SCN11A: variants seen among roughly 807,000 people sequenced by gnomAD.
SCN11A encodes sodium voltage-gated channel alpha subunit 11.
A neutral mutation model predicts 162.2 loss-of-function variants in SCN11A; 122 were observed. The observed-to-expected ratio is 0.75, with a 90% CI of 0.65 to 0.87. SCN11A has a LOEUF of 0.87. Among genes scored for constraint, SCN11A ranks in the 40% least tolerant of loss-of-function variants. SCN11A has a pLI of 0.00. For missense variants in SCN11A, 2,015 were observed against 2,181.6 expected (o/e 0.92, Z 1.52); for synonymous variants, 758 against 751.5 (o/e 1.01, Z -0.14).
intron 16 of SCN11A, 48 bp downstream of exon 16, chr3:38,903,817 C>A (rs773420208): frequency 7.4e-7 from 1 of 1,348,966 alleles, no homozygotes. Flanking sequence ...AAAAGTTATA[C>A]TTTAAAGTAT....
chr3:38,940,434 A>G (rs917776860), intron 7 of SCN11A, among the ~76,000 whole-genome samples: 2 of 152,238 alleles, frequency 1.3e-5, no homozygotes, highest in East Asian at 1.9e-4. Flanking sequence ...AGACATTACA[A>G]CATTAGACAA....
Position 38,855,183 on chromosome 3 carries a change from G to A in SCN11A, c.4057-4432C>T, listed in dbSNP as rs80234219. ...GATCTAAACTTGGTGCAGTTAGCAC[G>A]GTACTGCAGGAGCAAGACCAGCCTC... On this transcript the variant is annotated intron_variant, in intron 28 of 29. Coordinates refer to ENST00000302328, the MANE Select transcript of SCN11A (RefSeq NM_001349253.2). Among the ~76,000 whole-genome samples the A allele has an allele frequency of 5.4e-3, 815 of 152,324 alleles. 6 individuals are homozygous for A. Among genetic ancestry groups the A allele is most frequent in the African/African-American group, 0.018 (766 of 41,568 alleles).
chr3:39,016,007 G>A (rs2031279609), intron 2 of SCN11A, among the ~76,000 whole-genome samples: 1 of 152,180 alleles, frequency 6.6e-6, no homozygotes, highest in South Asian at 2.1e-4. Flanking sequence ...AAAATGCTTG[G>A]ATTACAAGCA....
At chr3:38,990,668 G>T (rs1345819151) in intron 2 of SCN11A, among the ~76,000 whole-genome samples, 2 of 152,226 alleles carry the variant, frequency 1.3e-5, no homozygotes, top group African/African-American at 4.8e-5. Flanking sequence ...TCCTGTGCAA[G>T]CCCTTTATAT....
At chr3:38,961,816 T>C (rs2125583630) in intron 2 of SCN11A, among the ~76,000 whole-genome samples, 1 of 152,334 alleles carries the variant, frequency 6.6e-6, no homozygotes, top group Middle Eastern at 3.4e-3. Flanking sequence ...TGGTGAAGAT[T>C]TTCTCCCACT....
intron 4 of SCN11A, among the ~76,000 whole-genome samples, chr3:38,951,500 C>G (rs1453417314): frequency 6.6e-6 from 1 of 152,246 alleles, no homozygotes; most frequent in African/African-American, 2.4e-5. Context: ...TCCACGGCGC[C>G]CAGTCCCATC....
intron 6 of SCN11A, 108 bp from the exon 7 acceptor site, chr3:38,945,620 A>G: frequency 1.6e-6 from 1 of 609,884 alleles, no homozygotes; most frequent in Non-Finnish European, 2.8e-6. Flanking sequence ...AGGTGCATCT[A>G]TCTTCTGACT....
intron 28 of SCN11A, among the ~76,000 whole-genome samples, chr3:38,857,405 T>G (rs1320822453): frequency 6.6e-6 from 1 of 151,862 alleles, no homozygotes; most frequent in African/African-American, 2.4e-5. Flanking sequence ...TAGAAGAACT[T>G]TAGAGCTCAA....
intron 23 of SCN11A, among the ~76,000 whole-genome samples, chr3:38,874,301 T>C (rs1177954540): frequency 6.6e-6 from 1 of 152,162 alleles, no homozygotes; most frequent in Non-Finnish European, 1.5e-5. Flanking sequence ...TATCCAACTT[T>C]AAAATTTTTG....
intron 3 of SCN11A, among the ~76,000 whole-genome samples, chr3:38,957,255 C>T (rs2066692902): frequency 6.6e-6 from 1 of 152,120 alleles, no homozygotes; most frequent in African/African-American, 2.4e-5. Flanking sequence ...AAAAGTGGGA[C>T]TGAGCATAGG....
At chr3:39,020,266 T>C (rs371590223) in intron 2 of SCN11A, among the ~76,000 whole-genome samples, 2 of 152,360 alleles carry the variant, frequency 1.3e-5, no homozygotes, top group South Asian at 4.1e-4. Context: ...CAAATTTTGA[T>C]ACTCACTGAT....
chr3:38,890,058 G>A (rs950295045), intron 19 of SCN11A, among the ~76,000 whole-genome samples: 11 of 151,924 alleles, frequency 7.2e-5, no homozygotes, highest in African/African-American at 2.7e-4. Flanking sequence ...AATTTCTGGT[G>A]AGTGTGGCCA....
chr3:39,013,175 A>G (rs1327346667), intron 2 of SCN11A, among the ~76,000 whole-genome samples: 1 of 152,232 alleles, frequency 6.6e-6, no homozygotes, highest in Non-Finnish European at 1.5e-5. Flanking sequence ...AACCAAATGA[A>G]AAAAAGTCAT....
intron 2 of SCN11A, among the ~76,000 whole-genome samples, chr3:39,025,655 T>C (rs954928364): frequency 6.6e-6 from 1 of 152,170 alleles, no homozygotes. Flanking sequence ...TAAGGAGCAG[T>C]GAGGACAACC....
chr3:38,991,742 C>T (rs2030460092), intron 2 of SCN11A, among the ~76,000 whole-genome samples: 1 of 152,160 alleles, frequency 6.6e-6, no homozygotes, highest in African/African-American at 2.4e-5. Context: ...TGCTTAGCTA[C>T]ATCACCTGCT....
Position 38,909,107 on chromosome 3 carries a change from C to G in SCN11A, c.1189G>C (p.Ala397Pro). ...TCCTCATATGCCATGGTAACAACAG[C>G]CAGGGTTAAGTTAATCAGGTAGAAG... is the stretch of plus-strand genomic sequence containing the variant. The part of the protein sequence containing the change: ...GSFYLINLTL[A>P]VVTMAYEEQN... The change falls in exon 13 of 30, where the codon GCT (alanine) becomes CCT (proline). Residue 397 changes from alanine to proline, a missense_variant. Transcript: ENST00000302328. 1 of 1,614,086 alleles carries G rather than the reference C, an allele frequency of 6.2e-7. No individual in the cohort carries two copies. Among genetic ancestry groups the G allele is most frequent in the Middle Eastern group, 1.7e-4 (1 of 6,060 alleles).
intron 14 of SCN11A, among the ~76,000 whole-genome samples, chr3:38,907,371 C>T (rs1490822215): frequency 3.5e-5 from 5 of 143,476 alleles, no homozygotes; most frequent in Admixed American, 1.4e-4. Context: ...CACACACACA[C>T]ACACACACAC....
intron 2 of SCN11A, among the ~76,000 whole-genome samples, chr3:38,995,748 T>C (rs72858004): frequency 0.07 from 10,521 of 151,236 alleles, 1,167 homozygotes; most frequent in African/African-American, 0.24. Flanking sequence ...TGGCTGAATG[T>C]GGAACTTCTC....
intron 2 of SCN11A, among the ~76,000 whole-genome samples, chr3:38,996,610 A>C (rs979816261): frequency 5.9e-5 from 9 of 152,188 alleles, no homozygotes; most frequent in African/African-American, 2.2e-4. Context: ...CCTACTTTTG[A>C]GAAGATCAAA....
Sources: allele counts gnomAD v4.1 joint callset (sites outside exome capture counted in the v4.1 genomes callset), GRCh38; gene constraint gnomAD v4.1.1; transcripts MANE v1.5; gene names NCBI Gene and HGNC (gene_info 2026-07-23, HGNC 2026-07-21).